ANKRD6: variants seen among roughly 807,000 people sequenced by gnomAD.
The protein encoded by ANKRD6 is ankyrin repeat domain 6.
ANKRD6 carries 56 observed loss-of-function variants against 82.3 expected under a neutral mutation model. That is an observed-to-expected ratio of 0.68 (90% CI 0.55 to 0.85). ANKRD6 has a LOEUF of 0.85. ANKRD6 is among the 40% of genes least tolerant of loss of function. ANKRD6 has a pLI of 0.00. For missense variants in ANKRD6, 852 were observed against 907.6 expected, an observed-to-expected ratio of 0.94 and a Z score of 0.79; for synonymous variants, 347 against 352.1, an observed-to-expected ratio of 0.99 and a Z score of 0.16.
At position 89,630,568 on chromosome 6, in the gene ANKRD6, G is replaced by A. The variant is rs756061883; in HGVS notation, c.1748G>A (p.Cys583Tyr). Reference protein sequence around the residue: ...RLQQELSSSDCTGSRLRNVKV... With the variant: ...RLQQELSSSDYTGSRLRNVKV... The stretch of plus-strand genomic sequence containing the variant: ...CAGCAGGAGCTGTCGTCTTCTGACT[G>A]TACAGGCTCCCGACTGAGAAACGTC... Residue 583 changes from cysteine to tyrosine, a missense_variant, in exon 16 of 16, where the codon TGT becomes TAT. Physicochemically the swap from Cys to Tyr is radical, Grantham distance 194. Coordinates refer to ENST00000339746, the MANE Select transcript of ANKRD6 (RefSeq NM_001242809.2). The A allele has an allele frequency of 6.2e-6, 10 of 1,613,776 alleles. No homozygotes were observed. The highest frequency in any genetic ancestry group is 4.0e-5 in the African/African-American group (3 of 74,938).
chr6:89,630,257 TGGAA>T (rs1486460334), intron 15 of ANKRD6, among the ~76,000 whole-genome samples, 172 bp from the exon 16 acceptor site: 2 of 151,878 alleles, frequency 1.3e-5, no homozygotes, highest in African/African-American at 4.8e-5. Flanking sequence ...GGAGACAAAG[TGGAA>T]GGGAGGAACA....
chr6:89,630,430 C>T lies in ANKRD6; in HGVS notation c.1613-3C>T. 1 of 1,601,970 alleles carries T rather than the reference C, an allele frequency of 6.2e-7. No homozygotes were observed. The highest frequency in any genetic ancestry group is 8.5e-7 in the Non-Finnish European group (1 of 1,173,738). ...CTCACGTTTGTTTTCCTTCTGAAACCAGGTGTGGACCAATTAGTGGTGACT... is the reference window on the plus strand; with the variant it reads ...CTCACGTTTGTTTTCCTTCTGAAACTAGGTGTGGACCAATTAGTGGTGACT... On this transcript the variant is annotated splice_polypyrimidine_tract_variant and splice_region_variant and intron_variant, in intron 15 of 15. Transcript: ENST00000339746.
intron 1 of ANKRD6, among the ~76,000 whole-genome samples, chr6:89,471,367 A>G (rs543560938): frequency 6.6e-6 from 1 of 151,238 alleles, no homozygotes; most frequent in South Asian, 2.1e-4. Flanking sequence ...AACAAAAAAA[A>G]AAAAAAAAAA....
intron 2 of ANKRD6, among the ~76,000 whole-genome samples, chr6:89,593,847 T>C (rs962543270): frequency 5.9e-5 from 9 of 152,204 alleles, no homozygotes; most frequent in African/African-American, 2.2e-4. Context: ...GTTCTCTAGA[T>C]AGAAGTTGAT....
chr6:89,609,116 G>A lies in ANKRD6; in HGVS notation c.417+3011G>A, dbSNP rs559414805. Among the ~76,000 whole-genome samples the A allele has an allele frequency of 3.9e-4, 59 of 152,320 alleles. No individual in the cohort carries two copies. In the South Asian group the frequency reaches 0.012, roughly 31 times the overall value. The stretch of plus-strand genomic sequence containing the variant: ...CTCCCTTGGCACCGCATGCAGCTTT[G>A]TGCTGTCGTTTCCTAGTTCATATTT... On this transcript the variant is annotated intron_variant, in intron 5 of 15. Coordinates refer to ENST00000339746, the MANE Select transcript of ANKRD6 (RefSeq NM_001242809.2).
chr6:89,565,367 T>C (rs1183597795), intron 1 of ANKRD6: 1 of 152,232 alleles, frequency 6.6e-6, no homozygotes, highest in Non-Finnish European at 1.5e-5. Flanking sequence ...TACCTGCATT[T>C]TGAGCAACAG....
chr6:89,479,625 AT>A (rs11291994), intron 1 of ANKRD6, among the ~76,000 whole-genome samples: 3,297 of 147,440 alleles, frequency 0.022, 50 homozygotes, highest in African/African-American at 0.05. Context: ...TTATTTATTT[AT>A]TTATTATTAT....
At chr6:89,470,607 C>A (rs1308252646) in intron 1 of ANKRD6, among the ~76,000 whole-genome samples, 1 of 150,298 alleles carries the variant, frequency 6.7e-6, no homozygotes, top group East Asian at 2.1e-4. Context: ...CAAAGTGAGA[C>A]CCTGCCTCAA....
intron 1 of ANKRD6, among the ~76,000 whole-genome samples, chr6:89,452,013 A>G (rs1048950137): frequency 1.3e-5 from 2 of 152,188 alleles, no homozygotes; most frequent in African/African-American, 4.8e-5. Context: ...CCTGGGAAAC[A>G]GCAAGACCCC....
chr6:89,623,434 C>T lies in ANKRD6; in HGVS notation c.922C>T (p.Pro308Ser), dbSNP rs199733425. ...SKGSVSAGDT[P>S]SSEQAVARKE... ...GGGCAGTGTCTCAGCAGGAGACACC[C>T]CCAGCAGTGAACAGGCTGTGGCCAG... is the stretch of plus-strand genomic sequence containing the variant. Residue 308 changes from proline to serine, a missense_variant, in exon 11 of 16, where the codon CCC becomes TCC. Transcript: ENST00000339746. 2.4e-5 allele frequency: 38 copies of T among 1,612,092 alleles called. No homozygotes were observed. The East Asian group carries it at 7.8e-4, about 33-fold the overall frequency.
chr6:89,448,836 T>C lies in ANKRD6; in HGVS notation c.-144+15461T>C, dbSNP rs947730303. Among the ~76,000 whole-genome samples the C allele has an allele frequency of 3.9e-5, 6 of 152,010 alleles. 1 individual carries two copies. The highest frequency in any genetic ancestry group is 2.6e-4 in the Admixed American group (4 of 15,262). On this transcript the variant is annotated intron_variant, in intron 1 of 15. Transcript: ENST00000339746. Reference sequence around the variant, plus strand: ...ACGAGGTCAGGAGATCGAGACCATCTTGGCTAACACGGTGAAACCCCGTTT... The same window carrying C: ...ACGAGGTCAGGAGATCGAGACCATCCTGGCTAACACGGTGAAACCCCGTTT...
intron 1 of ANKRD6, among the ~76,000 whole-genome samples, chr6:89,559,759 T>A (rs1038648284): frequency 6.6e-6 from 1 of 152,028 alleles, no homozygotes; most frequent in Non-Finnish European, 1.5e-5. Flanking sequence ...GAGTGATAAT[T>A]TTTTTGGCCC....
At chr6:89,522,888 A>T (rs543180823) in intron 1 of ANKRD6, among the ~76,000 whole-genome samples, 52 of 152,274 alleles carry the variant, frequency 3.4e-4, no homozygotes, top group African/African-American at 1.2e-3. Flanking sequence ...GAGAGAAGGG[A>T]TTAAATCTAG....
chr6:89,623,191 A>G (rs1804274897), intron 10 of ANKRD6, among the ~76,000 whole-genome samples: 1 of 152,160 alleles, frequency 6.6e-6, no homozygotes, highest in Admixed American at 6.5e-5. Flanking sequence ...CTTAGGACCT[A>G]ATAAATACAA....
At chr6:89,606,964 A>G (rs1306421982) in intron 5 of ANKRD6, among the ~76,000 whole-genome samples, 1 of 150,456 alleles carries the variant, frequency 6.6e-6, no homozygotes, top group Non-Finnish European at 1.5e-5. Context: ...GAGACCAGGC[A>G]TTCAAGACCA....
chr6:89,442,239 A>G (rs1582603561), intron 1 of ANKRD6, among the ~76,000 whole-genome samples: 1 of 149,874 alleles, frequency 6.7e-6, no homozygotes, highest in Non-Finnish European at 1.5e-5. Flanking sequence ...CAAGCAATCC[A>G]CCTGCCTTGG....
chr6:89,457,264 C>T (rs970086156), intron 1 of ANKRD6, among the ~76,000 whole-genome samples: 3 of 152,210 alleles, frequency 2.0e-5, no homozygotes, highest in African/African-American at 7.2e-5. Context: ...CACACATACC[C>T]AGCCTTGATC....
At chr6:89,586,623 G>A (rs1331140225) in intron 2 of ANKRD6, among the ~76,000 whole-genome samples, 1 of 152,002 alleles carries the variant, frequency 6.6e-6, no homozygotes, top group Non-Finnish European at 1.5e-5. Flanking sequence ...GGAGGTAGAG[G>A]TTGCAGTGAG....
At chr6:89,443,497 C>CA (rs55668128) in intron 1 of ANKRD6, among the ~76,000 whole-genome samples, 8,757 of 152,214 alleles carry the variant, frequency 0.058, 295 homozygotes, top group South Asian at 0.14. Flanking sequence ...GACAGGGTCT[C>CA]ACTCTGTGAC....
Sources: gnomAD v4.1 joint callset for allele counts (sites outside exome capture counted in the v4.1 genomes callset) on GRCh38, gnomAD v4.1.1 for gene constraint, MANE v1.5 for transcripts, NCBI Gene and HGNC (gene_info 2026-07-23, HGNC 2026-07-21) for gene names.